RBMS2: variants seen among roughly 807,000 people sequenced by gnomAD.
RBMS2 encodes the protein RNA-binding motif, single-stranded-interacting protein 2.
Under a neutral mutation model 58.4 loss-of-function variants are expected in RBMS2, and 38 were observed. The observed-to-expected ratio is 0.65, with a 90% CI of 0.50 to 0.85. RBMS2 has a LOEUF of 0.85. RBMS2 is among the 40% of genes least tolerant of loss of function. The pLI, the probability that RBMS2 is intolerant of heterozygous loss-of-function variation, is 0.00. For missense variants in RBMS2, 367 were observed against 503.7 expected, an observed-to-expected ratio of 0.73 and a Z score of 2.60; for synonymous variants, 151 against 180.7, an observed-to-expected ratio of 0.84 and a Z score of 1.32.
intron 1 of RBMS2, among the ~76,000 whole-genome samples, chr12:56,530,266 T>C (rs1210704564): frequency 6.6e-6 from 1 of 151,602 alleles, no homozygotes; most frequent in African/African-American, 2.4e-5. Flanking sequence ...TCAGTAGAGT[T>C]GTTATTTTAA....
chr12:56,525,325 G>A (rs140554985), intron 1 of RBMS2, among the ~76,000 whole-genome samples: 1,845 of 152,036 alleles, frequency 0.012, 30 homozygotes, highest in African/African-American at 0.04. Flanking sequence ...GGGTTCAAGC[G>A]ATTCTCCCGC....
At chr12:56,583,131 T>A (rs1331560402) in intron 9 of RBMS2, among the ~76,000 whole-genome samples, 1 of 152,228 alleles carries the variant, frequency 6.6e-6, no homozygotes, top group Non-Finnish European at 1.5e-5. Context: ...CTGCTATCAA[T>A]AATGCTCCAC....
intron 1 of RBMS2, among the ~76,000 whole-genome samples, chr12:56,557,922 G>C (rs1297481095): frequency 1.3e-5 from 2 of 149,280 alleles, no homozygotes; most frequent in Non-Finnish European, 1.5e-5. Context: ...ATTTTTAGCA[G>C]AGACGGGGTT....
At position 56,587,670 on chromosome 12, in the gene RBMS2, G is replaced by A; in HGVS notation, c.1062+6G>A. 1 of 1,612,280 alleles carries A rather than the reference G, an allele frequency of 6.2e-7. No homozygotes were observed. Among genetic ancestry groups the A allele is most frequent in the Non-Finnish European group, 8.5e-7 (1 of 1,178,650 alleles). The stretch of plus-strand genomic sequence containing the variant: ...CCCTCAGCAGCACAGGCACGGTAAA[G>A]CAGGATATTTCTGATTGTAAACTCT... On this transcript the variant is annotated splice_donor_region_variant and intron_variant, in intron 11 of 13. Transcript: ENST00000262031.
At chr12:56,521,502 G>GTTTTTTTTTTTTTTT (rs68129205), upstream of RBMS2, among the ~76,000 whole-genome samples, 34 of 73,158 alleles carry the variant, frequency 4.6e-4, 1 homozygote, top group South Asian at 5.6e-4. Context: ...CTCTAACTCT[G>GTTTTTTTTTTTTTTT]TTTTTTTTTT....
At position 56,551,036 on chromosome 12, in the gene RBMS2, TGAGCCCAG is replaced by T. The variant is rs562464884; in HGVS notation, c.67-11377_67-11370del. On this transcript the variant is annotated intron_variant, in intron 1 of 13. Transcript: ENST00000262031. ...GGGGGACTGAAGCAGGAGGATCACTTGAGCCCAGGAGTTTGAGGCTGCAGTGAGCTATG... is the reference window on the plus strand; with the variant it reads ...GGGGGACTGAAGCAGGAGGATCACTTGAGTTTGAGGCTGCAGTGAGCTATG... Among the ~76,000 whole-genome samples the T allele has an allele frequency of 4.2e-4, 63 of 149,398 alleles. No homozygotes were observed. In the East Asian group the frequency reaches 0.011, roughly 26 times the overall value.
At chr12:56,557,293 T>A (rs1369295146) in intron 1 of RBMS2, among the ~76,000 whole-genome samples, 8 of 152,202 alleles carry the variant, frequency 5.3e-5, no homozygotes. Flanking sequence ...GTCTCCAAAG[T>A]GTTTTAGGAA....
rs1043750352 is a variant in RBMS2, at chr12:56,586,908, A to G, written c.933A>G (p.Ser311=). 2 of 1,613,442 alleles carry G rather than the reference A, an allele frequency of 1.2e-6. No homozygotes were observed. The highest frequency in any genetic ancestry group is 3.3e-5 in the Admixed American group (2 of 60,024). ...ACCCATCCTGGATGCACCACCATTCATACCTCATGCAGCCTTCAGTGAGTA... is the reference window on the plus strand; with the variant it reads ...ACCCATCCTGGATGCACCACCATTCGTACCTCATGCAGCCTTCAGTGAGTA... The part of the protein sequence containing the change: ...VPNPSWMHHH[S]YLMQPSGSVL... The change falls in exon 10 of 14, where the codon TCA becomes TCG. Residue 311 remains serine (S), a synonymous_variant. Transcript: ENST00000262031.
intron 2 of RBMS2, among the ~76,000 whole-genome samples, chr12:56,567,440 GGAA>G (rs756151652): frequency 1.9e-4 from 29 of 149,620 alleles, no homozygotes; most frequent in African/African-American, 4.9e-4. Context: ...AGGAAGGAGA[GGAA>G]GAAGAAGAAG....
At chr12:56,587,244 G>T (rs1884796940) in intron 10 of RBMS2, among the ~76,000 whole-genome samples, 2 of 151,440 alleles carry the variant, frequency 1.3e-5, no homozygotes, top group South Asian at 4.2e-4. Flanking sequence ...TCCAGTCTGG[G>T]CAATAAGAGT....
intron 1 of RBMS2, among the ~76,000 whole-genome samples, chr12:56,548,493 G>A (rs1877668062): frequency 6.6e-6 from 1 of 152,110 alleles, no homozygotes; most frequent in Non-Finnish European, 1.5e-5. Context: ...CTGAAATAGT[G>A]CAAAGGATCT....
chr12:56,566,620 C>T (rs1881385715), intron 2 of RBMS2, among the ~76,000 whole-genome samples: 1 of 152,170 alleles, frequency 6.6e-6, no homozygotes, highest in African/African-American at 2.4e-5. Flanking sequence ...GAGTTCGAGA[C>T]CAGCCTGACC....
At chr12:56,575,919 G>A (rs898202541) in intron 5 of RBMS2, among the ~76,000 whole-genome samples, 1 of 151,730 alleles carries the variant, frequency 6.6e-6, no homozygotes, top group Admixed American at 6.6e-5. Context: ...AAATAGAGTG[G>A]TCCCCCCTTA....
intron 1 of RBMS2, among the ~76,000 whole-genome samples, chr12:56,527,169 G>T (rs1872801894): frequency 6.6e-6 from 1 of 152,190 alleles, no homozygotes; most frequent in Non-Finnish European, 1.5e-5. Flanking sequence ...ACAGGATAGA[G>T]AATTTTCTCT....
At chr12:56,567,904 A>G (rs144737789) in intron 2 of RBMS2, among the ~76,000 whole-genome samples, 2 of 152,204 alleles carry the variant, frequency 1.3e-5, no homozygotes, top group Non-Finnish European at 1.5e-5. Flanking sequence ...AATCTTGACA[A>G]TGAGAAATAG....
At chr12:56,557,741 CTTT>C (rs529458824) in intron 1 of RBMS2, among the ~76,000 whole-genome samples, 4 of 141,340 alleles carry the variant, frequency 2.8e-5, no homozygotes, top group Admixed American at 1.4e-4. Flanking sequence ...CTTTTCTTTT[CTTT>C]TTTTTTTTTT....
At chr12:56,578,900 G>T (rs1168537312) in intron 5 of RBMS2, among the ~76,000 whole-genome samples, 2 of 152,140 alleles carry the variant, frequency 1.3e-5, no homozygotes, top group East Asian at 3.9e-4. Context: ...GGAGGAGGAG[G>T]TTGCAGTGAG....
At chr12:56,535,878 C>T (rs958717471) in intron 1 of RBMS2, among the ~76,000 whole-genome samples, 1 of 151,996 alleles carries the variant, frequency 6.6e-6, no homozygotes, top group Non-Finnish European at 1.5e-5. Flanking sequence ...GTAATGAATG[C>T]CTGGCACATA....
intron 11 of RBMS2, among the ~76,000 whole-genome samples, chr12:56,587,893 G>C (rs1020053027): frequency 6.6e-6 from 1 of 152,136 alleles, no homozygotes; most frequent in Non-Finnish European, 1.5e-5. Context: ...TGCACCTTGT[G>C]AATAGTGCTT....
Sources: allele counts gnomAD v4.1 joint callset (sites outside exome capture counted in the v4.1 genomes callset), GRCh38; gene constraint gnomAD v4.1.1; transcripts MANE v1.5; gene names NCBI Gene and HGNC (gene_info 2026-07-23, HGNC 2026-07-21).